The following MID1 variants were observed in gnomAD, a reference collection of about 807,000 sequenced individuals.
MID1 encodes E3 ubiquitin-protein ligase Midline-1.
A neutral mutation model predicts 40.4 loss-of-function variants in MID1; 7 were observed. That is an observed-to-expected ratio of 0.17 (90% CI 0.10 to 0.33). MID1 has a LOEUF of 0.33. Among genes scored for constraint, MID1 ranks in the 10% least tolerant of loss-of-function variants. The pLI is 1.00. For missense variants in MID1, 367 were observed against 558.5 expected, an observed-to-expected ratio of 0.66 and a Z score of 3.46; for synonymous variants, 229 against 221.2, an observed-to-expected ratio of 1.04 and a Z score of -0.31.
intron 1 of MID1, among the ~76,000 whole-genome samples, chrX:10,812,616 A>G (rs1217899152): frequency 9.0e-6 from 1 of 111,440 alleles, no homozygotes; most frequent in Non-Finnish European, 1.9e-5. Context: ...TCAGGGACAC[A>G]TGTCTTCACC....
intron 1 of MID1, among the ~76,000 whole-genome samples, chrX:10,704,716 G>GTATATATATATATATATATA (rs771605675): frequency 1.3e-5 from 1 of 78,095 alleles, no homozygotes; most frequent in Non-Finnish European, 2.3e-5. Context: ...GTGTGTGTGT[G>GTATATATATATATATATATA]TATATATATA....
chrX:10,755,124 T>A (rs776728099), intron 1 of MID1, among the ~76,000 whole-genome samples: 1 of 111,767 alleles, frequency 8.9e-6, no homozygotes, highest in African/African-American at 3.2e-5. Flanking sequence ...TGGACTGTGG[T>A]TGAAGTTTGT....
intron 1 of MID1, among the ~76,000 whole-genome samples, chrX:10,580,241 A>T (rs923266375): frequency 1.1e-5 from 1 of 92,557 alleles, no homozygotes; most frequent in African/African-American, 4.1e-5. Flanking sequence ...AAATTTCTAG[A>T]TCTATGTTTT....
At chrX:10,689,114 G>A (rs184710048) in intron 1 of MID1, among the ~76,000 whole-genome samples, 371 of 110,615 alleles carry the variant, frequency 3.4e-3, no homozygotes, top group Non-Finnish European at 6.4e-3. Context: ...TTACACCACT[G>A]AGGTGTTCAG....
chrX:10,758,754 C>A (rs1248269980), intron 1 of MID1, among the ~76,000 whole-genome samples: 2 of 110,671 alleles, frequency 1.8e-5, no homozygotes, highest in Non-Finnish European at 3.8e-5. Context: ...TCCCAAAGTG[C>A]TGGGATTACA....
chrX:10,741,915 GTATAT>G (rs1447644276), intron 1 of MID1, among the ~76,000 whole-genome samples: 2 of 111,662 alleles, frequency 1.8e-5, no homozygotes, highest in Non-Finnish European at 3.8e-5. Context: ...TAATAAAAAA[GTATAT>G]TATGTTTCTA....
intron 1 of MID1, among the ~76,000 whole-genome samples, chrX:10,591,340 T>C (rs1306549515): frequency 2.7e-5 from 3 of 112,570 alleles, no homozygotes; most frequent in African/African-American, 9.7e-5. Flanking sequence ...CTTGTCCTTA[T>C]ATAAGTCAAC....
At chrX:10,726,960 A>G (rs910045589) in intron 1 of MID1, among the ~76,000 whole-genome samples, 5 of 112,689 alleles carry the variant, frequency 4.4e-5, no homozygotes, top group Non-Finnish European at 9.4e-5. Flanking sequence ...ACAGCTAGCA[A>G]ATATTCCAAG....
intron 2 of MID1, among the ~76,000 whole-genome samples, chrX:10,548,877 G>C (rs183775172): frequency 1.3e-3 from 143 of 112,007 alleles, no homozygotes; most frequent in Non-Finnish European, 2.3e-3. Context: ...GTATTCAAAA[G>C]AAATCTGAGA....
At chrX:10,745,231 G>T in intron 1 of MID1, among the ~76,000 whole-genome samples, 1 of 112,719 alleles carries the variant, frequency 8.9e-6, no homozygotes, top group Non-Finnish European at 1.9e-5. Context: ...TGGTACAGAA[G>T]ATTTAATAAA....
At chrX:10,478,603 C>T (rs1271026041) in intron 5 of MID1, among the ~76,000 whole-genome samples, 1 of 112,009 alleles carries the variant, frequency 8.9e-6, no homozygotes, top group East Asian at 2.8e-4. Flanking sequence ...AATGAGCAGC[C>T]TCAATGCTAT....
At chrX:10,488,312 T>G (rs1164870805) in intron 4 of MID1, among the ~76,000 whole-genome samples, 1 of 111,210 alleles carries the variant, frequency 9.0e-6, no homozygotes, top group Non-Finnish European at 1.9e-5. Flanking sequence ...TGGACATAGC[T>G]TTCCTTTCTC....
In MID1 at chrX:10,457,671, T is replaced by C. The variant is rs1205020285; in HGVS notation, c.1447+1975A>G. Among the ~76,000 whole-genome samples the C allele has an allele frequency of 2.2e-4, 25 of 111,996 alleles. No individual in the cohort carries two copies. In the Admixed American group the frequency reaches 2.4e-3, roughly 11 times the overall value. On this transcript the variant is annotated intron_variant, in intron 8 of 9. Transcript: ENST00000317552. ...ATCCTGCCTGTTTGATTTAAACTCTTCAATCTCTCCACCAATCATTGGTAT... is the reference window on the plus strand; with the variant it reads ...ATCCTGCCTGTTTGATTTAAACTCTCCAATCTCTCCACCAATCATTGGTAT...
At chrX:10,693,090 G>A (rs1189895040) in intron 1 of MID1, among the ~76,000 whole-genome samples, 2 of 110,937 alleles carry the variant, frequency 1.8e-5, no homozygotes, top group Admixed American at 9.7e-5. Flanking sequence ...TTTCTATGAT[G>A]CCCCCTCTGA....
chrX:10,779,657 A>T (rs893561195), intron 1 of MID1, among the ~76,000 whole-genome samples: 1 of 111,885 alleles, frequency 8.9e-6, no homozygotes, highest in Non-Finnish European at 1.9e-5. Flanking sequence ...AAGCTGTGGG[A>T]TGAAAGCCAG....
chrX:10,818,630 A>G (rs2044154830), intron 1 of MID1, among the ~76,000 whole-genome samples: 1 of 111,932 alleles, frequency 8.9e-6, no homozygotes, highest in Non-Finnish European at 1.9e-5. Flanking sequence ...CCTCTCCCCT[A>G]GAGGTGGTGT....
At chrX:10,456,104 A>AATC (rs759422362) in intron 8 of MID1, among the ~76,000 whole-genome samples, 1 of 112,264 alleles carries the variant, frequency 8.9e-6, no homozygotes, top group South Asian at 3.7e-4. Context: ...TACAGCTCTC[A>AATC]ATCACAGGAA....
chrX:10,738,076 C>G, intron 1 of MID1, among the ~76,000 whole-genome samples: 1 of 111,425 alleles, frequency 9.0e-6, no homozygotes. Context: ...GGGGCTGGTC[C>G]TCTCGAGAAA....
At chrX:10,465,236 C>T (rs1381255642) in intron 7 of MID1, among the ~76,000 whole-genome samples, 5 of 95,923 alleles carry the variant, frequency 5.2e-5, no homozygotes, top group Non-Finnish European at 1.0e-4. Flanking sequence ...CACACACACA[C>T]ACACACACAC....
Sources: allele counts gnomAD v4.1 joint callset (sites outside exome capture counted in the v4.1 genomes callset), GRCh38; gene constraint gnomAD v4.1.1; transcripts MANE v1.5; gene names NCBI Gene and HGNC (gene_info 2026-07-23, HGNC 2026-07-21).